TIAM1: variants seen among roughly 807,000 people sequenced by gnomAD.
The protein encoded by TIAM1 is rho guanine nucleotide exchange factor TIAM1.
A neutral mutation model predicts 163.5 loss-of-function variants in TIAM1; 65 were observed. The observed-to-expected ratio is 0.40, with a 90% CI of 0.33 to 0.49. The LOEUF is 0.49. TIAM1 is among the 20% of genes least tolerant of loss of function. The probability of loss-of-function intolerance (pLI) is 0.77; values close to 1 mark genes in which losing one functional copy is unlikely to be tolerated. For missense variants in TIAM1, 1,789 were observed against 2,044.7 expected (o/e 0.87, Z 2.41); for synonymous variants, 833 against 810.1 (o/e 1.03, Z -0.48).
intron 2 of TIAM1, among the ~76,000 whole-genome samples, chr21:31,400,667 T>C (rs2077149446): frequency 1.3e-5 from 2 of 152,208 alleles, no homozygotes; most frequent in Admixed American, 6.5e-5. Context: ...GTTACCAAAG[T>C]GACACAGCTG....
At chr21:31,231,288 T>A (rs964210036) in intron 6 of TIAM1, among the ~76,000 whole-genome samples, 8 of 152,132 alleles carry the variant, frequency 5.3e-5, no homozygotes, top group African/African-American at 1.7e-4. Flanking sequence ...ATTCTATCCA[T>A]CCTGACTGAT....
intron 2 of TIAM1, among the ~76,000 whole-genome samples, chr21:31,452,003 A>AT (rs1266880223): frequency 5.3e-5 from 8 of 152,164 alleles, no homozygotes; most frequent in Non-Finnish European, 8.8e-5. Context: ...GAGGGAAAAC[A>AT]GTAAGTTTGG....
intron 2 of TIAM1, among the ~76,000 whole-genome samples, chr21:31,444,582 T>C (rs2044548048): frequency 6.6e-6 from 1 of 152,210 alleles, no homozygotes; most frequent in Middle Eastern, 3.4e-3. Context: ...ATTTGTCAGC[T>C]TGAGGGAAAT....
At chr21:31,458,045 A>G (rs1332747704) in intron 2 of TIAM1, among the ~76,000 whole-genome samples, 2 of 152,226 alleles carry the variant, frequency 1.3e-5, no homozygotes, top group South Asian at 2.1e-4. Flanking sequence ...TAGGGAGGCT[A>G]CTGAGGCCTG....
At chr21:31,443,832 C>T (rs1236783140) in intron 2 of TIAM1, among the ~76,000 whole-genome samples, 2 of 152,204 alleles carry the variant, frequency 1.3e-5, no homozygotes, top group South Asian at 2.1e-4. Context: ...GCATCCCTAT[C>T]CCTCCTGCAA....
intron 1 of TIAM1, among the ~76,000 whole-genome samples, chr21:31,557,827 C>T (rs73345678): frequency 0.15 from 22,149 of 152,122 alleles, 2,113 homozygotes; most frequent in African/African-American, 0.26. Context: ...GACCAGGAGA[C>T]GCGACGACTG....
In TIAM1 at chr21:31,174,952, T is replaced by G. The variant is rs559891763; in HGVS notation, c.2887+7469A>C. ...TGAGCCATCGTGCCCAGCCTGTTAC[T>G]TTCTTTTTTAGAGATAGGGTCTTGC... On this transcript the variant is annotated intron_variant, in intron 15 of 27. Coordinates refer to ENST00000541036, the MANE Select transcript of TIAM1 (RefSeq NM_001353694.2). 2.0e-5 allele frequency among the ~76,000 whole-genome samples: 3 copies of G among 152,276 alleles called. No homozygotes were observed. The East Asian group carries it at 5.8e-4, about 29-fold the overall frequency.
chr21:31,501,628 G>T (rs1004256392), intron 1 of TIAM1, among the ~76,000 whole-genome samples: 1 of 151,338 alleles, frequency 6.6e-6, no homozygotes, highest in Non-Finnish European at 1.5e-5. Context: ...TTTGAGACAG[G>T]GTCTCGCTCT....
rs893316220 is a variant in TIAM1 at position 31,428,133 on chromosome 21, T to C, written c.-369+35850A>G. Among the ~76,000 whole-genome samples the C allele has an allele frequency of 1.1e-4, 17 of 152,008 alleles. No individual in the cohort carries two copies. In the Middle Eastern group the frequency reaches 0.014, roughly 122 times the overall value. ...AAAATTAGCCAGGCCTAGTGGCCTGTAATTTCAGCTACTTGGGAGGCTGAG... is the reference window on the plus strand; with the variant it reads ...AAAATTAGCCAGGCCTAGTGGCCTGCAATTTCAGCTACTTGGGAGGCTGAG... On this transcript the variant is annotated intron_variant, in intron 2 of 28. Transcript: ENST00000286827.
chr21:31,552,543 G>A (rs908065266), intron 1 of TIAM1, among the ~76,000 whole-genome samples: 1 of 152,136 alleles, frequency 6.6e-6, no homozygotes, highest in Non-Finnish European at 1.5e-5. Flanking sequence ...GGAGGCCGGG[G>A]CAGGCAGATC....
chr21:31,193,465 A>T (rs1333507188), intron 13 of TIAM1, among the ~76,000 whole-genome samples: 1 of 152,110 alleles, frequency 6.6e-6, no homozygotes, highest in Non-Finnish European at 1.5e-5. Flanking sequence ...AGGAGAGAGC[A>T]TTTCTCAGGT....
chr21:31,440,204 A>G (rs755168384), intron 2 of TIAM1, among the ~76,000 whole-genome samples: 10 of 152,246 alleles, frequency 6.6e-5, no homozygotes, highest in Non-Finnish European at 1.5e-4. Context: ...AGCTTGTGTC[A>G]TATTTGCCAG....
chr21:31,164,887 G>A, intron 16 of TIAM1, 75 bp downstream of exon 16: 2 of 1,449,388 alleles, frequency 1.4e-6, no homozygotes, highest in Non-Finnish European at 1.9e-6. Context: ...ACCACATACA[G>A]CTGTGTAGGT....
intron 1 of TIAM1, among the ~76,000 whole-genome samples, chr21:31,471,784 A>G (rs914761377): frequency 5.3e-5 from 8 of 151,856 alleles, no homozygotes; most frequent in Admixed American, 6.6e-5. Flanking sequence ...CAGGAGAATC[A>G]CTTAAACCCA....
intron 1 of TIAM1, among the ~76,000 whole-genome samples, chr21:31,471,896 AT>A (rs796752204): frequency 0.18 from 4,417 of 24,864 alleles, 101 homozygotes; most frequent in Non-Finnish European, 0.23. Context: ...AATAATAATA[AT>A]AATAAAGGGA....
At chr21:31,363,638 C>T (rs1188411785) in intron 2 of TIAM1, among the ~76,000 whole-genome samples, 1 of 152,062 alleles carries the variant, frequency 6.6e-6, no homozygotes, top group Non-Finnish European at 1.5e-5. Context: ...TTCAATCCTC[C>T]TTTTCCCTTT....
intron 2 of TIAM1, among the ~76,000 whole-genome samples, chr21:31,315,867 T>C (rs845964): frequency 0.61 from 92,174 of 150,168 alleles, 29,046 homozygotes; most frequent in African/African-American, 0.77. Flanking sequence ...ATCCCAGCTA[T>C]TCAGGAGGCT....
At chr21:31,213,278 CTG>C in intron 10 of TIAM1, 118 bp downstream of exon 10, 1 of 825,850 alleles carries the variant, frequency 1.2e-6, no homozygotes, top group Non-Finnish European at 1.8e-6. Flanking sequence ...CTTTTAAAAA[CTG>C]ATTTCAGTTT....
At chr21:31,385,546 A>C (rs1383609000) in intron 2 of TIAM1, among the ~76,000 whole-genome samples, 1 of 151,982 alleles carries the variant, frequency 6.6e-6, no homozygotes, top group Non-Finnish European at 1.5e-5. Flanking sequence ...GGATCTGTAC[A>C]AGTGAAACAT....
Sources: allele counts gnomAD v4.1 joint callset (sites outside exome capture counted in the v4.1 genomes callset), GRCh38; gene constraint gnomAD v4.1.1; transcripts MANE v1.5; gene names NCBI Gene and HGNC (gene_info 2026-07-23, HGNC 2026-07-21).